The following APOL4 variants were observed in gnomAD, a reference collection of about 807,000 sequenced individuals.
The protein encoded by APOL4 is apolipoprotein L, 4.
A neutral mutation model predicts 12.1 loss-of-function variants in APOL4; 14 were observed. The observed-to-expected ratio is 1.16, with a 90% CI of 0.76 to 1.81. The LOEUF is 1.81. APOL4 is among the 40% of genes most tolerant of loss of function. The pLI, the probability that APOL4 is intolerant of heterozygous loss-of-function variation, is 0.00. For missense variants in APOL4, 432 were observed against 423.1 expected (o/e 1.02, Z -0.18); for synonymous variants, 171 against 160.6 (o/e 1.06, Z -0.49).
chr22:36,202,030 C>T (rs1603478697), upstream of APOL4: 1 of 1,614,148 alleles, frequency 6.2e-7, no homozygotes, highest in Non-Finnish European at 8.5e-7. Flanking sequence ...AAAGCAGCTC[C>T]CTCCATGTCG....
chr22:36,202,503 A>G (rs1327776380), upstream of APOL4, among the ~76,000 whole-genome samples: 4 of 152,160 alleles, frequency 2.6e-5, no homozygotes, highest in Non-Finnish European at 5.9e-5. Flanking sequence ...CGAGGCAGGC[A>G]GATCACAAGG....
In APOL4 at chr22:36,191,240, T is replaced by C. The variant is rs565147090; in HGVS notation, c.882A>G (p.Ser294=). ...KVARNLGKAT[S]GVLVVLDVVN... is the part of the protein sequence containing the mutation. The stretch of plus-strand genomic sequence containing the variant: ...CTACATCCAGCACAACAAGGACACC[T>C]GAAGTGGCCTTGCCCAGGTTCCGGG... The change falls in exon 4 of 4, where the codon TCA becomes TCG. Residue 294 remains serine (S), a synonymous_variant. Coordinates refer to ENST00000683024, the MANE Select transcript of APOL4 (RefSeq NM_001386885.1). 1.2e-5 allele frequency: 19 copies of C among 1,614,052 alleles called. No homozygotes were observed. The South Asian group carries it at 2.1e-4, about 18-fold the overall frequency.
intron 3 of APOL4, among the ~76,000 whole-genome samples, chr22:36,194,434 C>T (rs2014344066): frequency 6.6e-6 from 1 of 152,170 alleles, no homozygotes; most frequent in South Asian, 2.1e-4. Flanking sequence ...CCTTGATGCT[C>T]CAGCCTTCCT....
intron 3 of APOL4, among the ~76,000 whole-genome samples, chr22:36,192,620 A>G (rs1411662358): frequency 6.6e-6 from 1 of 152,162 alleles, no homozygotes; most frequent in Non-Finnish European, 1.5e-5. Context: ...TGATGAATTA[A>G]CTTTATTAGA....
In APOL4 at chr22:36,190,927, T is replaced by C. The variant is rs1289882055; in HGVS notation, c.*148A>G. Reference sequence around the variant, plus strand: ...AATCTTCACAATTTGTGTTTAGAGATTGCGGTAAAGACAGGCATAGGAAAT... The same window carrying C: ...AATCTTCACAATTTGTGTTTAGAGACTGCGGTAAAGACAGGCATAGGAAAT... On this transcript the variant is annotated 3_prime_UTR_variant, in exon 4 of 4. Transcript: ENST00000683024. 1.4e-5 allele frequency: 10 copies of C among 696,812 alleles called. No homozygotes were observed. Among genetic ancestry groups the C allele is most frequent in the Non-Finnish European group, 2.3e-5 (10 of 427,524 alleles). The allele number at this position is 696,812 out of a possible 1,614,324, so 43.2% of individuals were successfully genotyped here. A position where few individuals can be genotyped will look rare whatever the true frequency, so the allele number is the denominator to read the frequency against.
chr22:36,193,018 T>C (rs554406542), intron 3 of APOL4, among the ~76,000 whole-genome samples: 71 of 152,208 alleles, frequency 4.7e-4, no homozygotes, highest in Non-Finnish European at 8.4e-4. Flanking sequence ...TTGCTGGGCC[T>C]GCACCGCCCC....
intron 2 of APOL4, among the ~76,000 whole-genome samples, chr22:36,198,025 C>T (rs968697724): frequency 2.6e-5 from 4 of 152,196 alleles, no homozygotes; most frequent in African/African-American, 9.7e-5. Flanking sequence ...TCCCATAAAT[C>T]CTTATGCTTA....
upstream of APOL4, among the ~76,000 whole-genome samples, chr22:36,204,427 G>A (rs989058626): frequency 5.9e-5 from 9 of 152,146 alleles, no homozygotes; most frequent in East Asian, 9.6e-4. Flanking sequence ...CTCTCTCTAC[G>A]GTTTAAGGGC....
chr22:36,193,867 C>A (rs1375788295), intron 3 of APOL4, among the ~76,000 whole-genome samples: 1 of 152,184 alleles, frequency 6.6e-6, no homozygotes, highest in Non-Finnish European at 1.5e-5. Context: ...TCTCAAGCCA[C>A]CTTACTGCCT....
At chr22:36,199,494 C>A (rs2014506714) in intron 1 of APOL4, 118 bp from the exon 2 acceptor site, 7 of 1,612,388 alleles carry the variant, frequency 4.3e-6, no homozygotes, top group Non-Finnish European at 4.2e-6. Flanking sequence ...CCAAGACCAA[C>A]CTAACCCAGA....
chr22:36,197,938 C>T, intron 2 of APOL4: 2 of 1,397,966 alleles, frequency 1.4e-6, no homozygotes, highest in East Asian at 2.7e-5. Flanking sequence ...CCTTGTCCCA[C>T]ACCCACCTGT....
In APOL4 at chr22:36,191,512, G is replaced by T; in HGVS notation, c.610C>A (p.Leu204Met). Reference sequence around the variant, plus strand: ...AATTGGTCAGTGCTGGTTGCAGTCAGCCTGCTGGCTGTGAGTTCTGCTGAC... The same window carrying T: ...AATTGGTCAGTGCTGGTTGCAGTCATCCTGCTGGCTGTGAGTTCTGCTGAC... ...TRSAELTASR[L>M]TATSTDQLEA... Residue 204 changes from leucine to methionine, a missense_variant, in exon 4 of 4, where the codon CTG (leucine) becomes ATG (methionine). Physicochemically the swap from Leu to Met is conservative, Grantham distance 15. Coordinates refer to ENST00000683024, the MANE Select transcript of APOL4 (RefSeq NM_001386885.1). 6.2e-7 allele frequency: 1 copy of T among 1,614,074 alleles called. No individual in the cohort carries two copies. The highest frequency in any genetic ancestry group is 8.5e-7 in the Non-Finnish European group (1 of 1,179,896).
At chr22:36,197,482 TG>T (rs1163029810) in intron 2 of APOL4, 29 of 1,046,280 alleles carry the variant, frequency 2.8e-5, no homozygotes, top group Non-Finnish European at 3.6e-5. Context: ...GTTTTATTGA[TG>T]GGGTGGGGAT....
intron 1 of APOL4, 151 bp from the exon 2 acceptor site, chr22:36,199,527 C>G (rs1485448684): frequency 1.3e-6 from 2 of 1,597,228 alleles, no homozygotes; most frequent in East Asian, 2.3e-5. Context: ...CACCAAGTCC[C>G]CATCATCTGC....
chr22:36,202,032 T>G (rs2014598308), upstream of APOL4: 1 of 1,614,088 alleles, frequency 6.2e-7, no homozygotes, highest in East Asian at 2.2e-5. Flanking sequence ...AGCAGCTCCC[T>G]CCATGTCGCT....
At position 36,189,384 on chromosome 22, in the gene APOL4, G is replaced by C. The variant is rs866259223; in HGVS notation, c.*1691C>G. ...ACCCGGCCTTCAGGGTTCAAGCAGG[G>C]GACATGCACCCTTAAATAACCTAAA... On this transcript the variant is annotated 3_prime_UTR_variant, in exon 4 of 4. Transcript: ENST00000683024. 1 of 151,982 alleles carries C rather than the reference G, an allele frequency of 6.6e-6. No homozygotes were observed. Among genetic ancestry groups the C allele is most frequent in the Non-Finnish European group, 1.5e-5 (1 of 68,030 alleles). The allele number at this position is 151,982 out of a possible 1,614,324, so 9.4% of individuals were successfully genotyped here. A position where few individuals can be genotyped will look rare whatever the true frequency, so the allele number is the denominator to read the frequency against.
At chr22:36,199,453 T>C (rs560192294) in intron 1 of APOL4, 77 bp from the exon 2 acceptor site, 6 of 1,613,308 alleles carry the variant, frequency 3.7e-6, no homozygotes, top group East Asian at 4.5e-5. Flanking sequence ...CAGCTGGGCC[T>C]CTGCAGATCC....
At chr22:36,197,768 G>A in intron 2 of APOL4, 1 of 1,550,500 alleles carries the variant, frequency 6.4e-7, no homozygotes, top group Non-Finnish European at 8.7e-7. Flanking sequence ...TTCACATAAT[G>A]GACACAGAAG....
upstream of APOL4, chr22:36,201,894 A>AG: frequency 6.2e-7 from 1 of 1,602,414 alleles, no homozygotes; most frequent in South Asian, 1.1e-5. Context: ...GGTTCCTAGA[A>AG]AAACCCACAT....
Sources: allele counts gnomAD v4.1 joint callset (sites outside exome capture counted in the v4.1 genomes callset), GRCh38; gene constraint gnomAD v4.1.1; transcripts MANE v1.5; gene names NCBI Gene and HGNC (gene_info 2026-07-23, HGNC 2026-07-21).